SDK1: variants seen among roughly 807,000 people sequenced by gnomAD.
The protein encoded by SDK1 is sidekick cell adhesion molecule 1, also known as protein sidekick-1.
In SDK1, 157 loss-of-function variants were observed where a neutral mutation model predicts 245.5. The ratio of observed to expected loss-of-function variants is 0.64; its 90% CI spans 0.56 to 0.73. The LOEUF is 0.73. SDK1 is among the 30% of genes least tolerant of loss of function. The probability of loss-of-function intolerance (pLI) is 0.00; values close to 1 mark genes in which losing one functional copy is unlikely to be tolerated. For synonymous variants in SDK1, 1,647 were observed against 1,278.5 expected (o/e 1.29, Z -6.15); for missense variants, 3,583 against 3,002.3 (o/e 1.19, Z -4.52).
At chr7:3,781,168 A>G (rs1257181695) in intron 4 of SDK1, among the ~76,000 whole-genome samples, 1 of 152,122 alleles carries the variant, frequency 6.6e-6, no homozygotes. Context: ...GACTTTGCTA[A>G]CCTCAGAGAA....
chr7:4,193,151 T>C (rs1256015823), intron 35 of SDK1, among the ~76,000 whole-genome samples: 4 of 132,934 alleles, frequency 3.0e-5, no homozygotes, highest in Non-Finnish European at 6.2e-5. Flanking sequence ...AATATATTTA[T>C]ATAATATATA....
chr7:3,727,661 T>G (rs2115037081), intron 4 of SDK1, among the ~76,000 whole-genome samples: 1 of 152,144 alleles, frequency 6.6e-6, no homozygotes, highest in East Asian at 1.9e-4. Flanking sequence ...CGGCTAAATT[T>G]TGTATTTTTA....
At chr7:4,163,254 G>A (rs527486500) in intron 32 of SDK1, among the ~76,000 whole-genome samples, 1 of 152,270 alleles carries the variant, frequency 6.6e-6, no homozygotes, top group African/African-American at 2.4e-5. Context: ...GGTCAGGAGG[G>A]CAGTCTGGTG....
chr7:3,333,726 A>G (rs147009797), intron 1 of SDK1, among the ~76,000 whole-genome samples: 1 of 152,350 alleles, frequency 6.6e-6, no homozygotes, highest in East Asian at 1.9e-4. Flanking sequence ...GGTATTGGTC[A>G]GGGTTCGATT....
chr7:4,084,823 A>G (rs1171692824), intron 22 of SDK1, among the ~76,000 whole-genome samples: 1 of 152,018 alleles, frequency 6.6e-6, no homozygotes, highest in Non-Finnish European at 1.5e-5. Context: ...GCTGGAGTGC[A>G]ATGGCACGAT....
chr7:3,490,230 G>A (rs148603619), intron 1 of SDK1, among the ~76,000 whole-genome samples: 203 of 152,264 alleles, frequency 1.3e-3, no homozygotes, highest in African/African-American at 4.7e-3. Context: ...GTGAATGATG[G>A]ATTATTAAGT....
At chr7:3,905,529 C>T (rs1398118616) in intron 5 of SDK1, among the ~76,000 whole-genome samples, 1 of 151,782 alleles carries the variant, frequency 6.6e-6, no homozygotes, top group Admixed American at 6.6e-5. Flanking sequence ...TTGTTTTTTC[C>T]TTATCTTTGC....
At chr7:3,636,632 C>G (rs972169283) in intron 2 of SDK1, among the ~76,000 whole-genome samples, 8 of 152,156 alleles carry the variant, frequency 5.3e-5, no homozygotes, top group African/African-American at 1.9e-4. Context: ...GTTTCCATCT[C>G]TTGGCTAATT....
chr7:3,658,871 G>C (rs1279994652), intron 4 of SDK1, among the ~76,000 whole-genome samples: 1 of 152,134 alleles, frequency 6.6e-6, no homozygotes, highest in Non-Finnish European at 1.5e-5. Flanking sequence ...GCCCACTTCA[G>C]CCTCTCAAAG....
chr7:4,247,913 G>C (rs1016167866), intron 44 of SDK1, among the ~76,000 whole-genome samples: 1 of 152,142 alleles, frequency 6.6e-6, no homozygotes, highest in African/African-American at 2.4e-5. Flanking sequence ...CCCCACACCA[G>C]AGGAAGGGGA....
intron 20 of SDK1, among the ~76,000 whole-genome samples, chr7:4,073,986 T>C (rs537498195): frequency 6.6e-6 from 1 of 152,072 alleles, no homozygotes; most frequent in Non-Finnish European, 1.5e-5. Flanking sequence ...GAGGTCACAG[T>C]CTTCCCGGAC....
intron 1 of SDK1, among the ~76,000 whole-genome samples, chr7:3,331,341 C>A (rs1485489949): frequency 1.3e-5 from 2 of 152,122 alleles, no homozygotes; most frequent in African/African-American, 4.8e-5. Context: ...GTGCATGATC[C>A]TAATAAGTGT....
At chr7:3,381,450 G>A (rs933891789) in intron 1 of SDK1, among the ~76,000 whole-genome samples, 1 of 152,044 alleles carries the variant, frequency 6.6e-6, no homozygotes, top group African/African-American at 2.4e-5. Context: ...GCGGGAGTGA[G>A]CCCCTCTCAA....
chr7:3,317,653 C>T (rs1779697300), intron 1 of SDK1, among the ~76,000 whole-genome samples: 1 of 152,174 alleles, frequency 6.6e-6, no homozygotes, highest in South Asian at 2.1e-4. Context: ...GACTCTTCTC[C>T]CATGTTCACA....
chr7:4,158,135 G>T (rs909509811), intron 30 of SDK1, among the ~76,000 whole-genome samples: 3 of 152,138 alleles, frequency 2.0e-5, no homozygotes, highest in Non-Finnish European at 4.4e-5. Flanking sequence ...CTTCCCCCTG[G>T]CCAGGACGCC....
rs1291928571 is a variant in SDK1 at position 4,114,168 on chromosome 7, C to G, written c.3717C>G (p.Ile1239Met). The change falls in exon 25 of 45, where the codon ATC (isoleucine) becomes ATG (methionine). Residue 1239 changes from isoleucine to methionine, a missense_variant. Ile to Met is a conservative substitution (Grantham distance 10, BLOSUM62 1). Coordinates refer to ENST00000404826, the MANE Select transcript of SDK1 (RefSeq NM_152744.4). ...VSDRLEREFTIEELEEWMEYE... is the reference protein window; with the variant it reads ...VSDRLEREFTMEELEEWMEYE... The stretch of plus-strand genomic sequence containing the variant: ...ACCGGCTGGAGAGAGAATTCACCAT[C>G]GAGGAGCTGGAGGAGTGGATGGAAT... 1.9e-6 allele frequency: 3 copies of G among 1,614,190 alleles called. No individual in the cohort carries two copies. The highest frequency in any genetic ancestry group is 8.5e-7 in the Non-Finnish European group (1 of 1,180,034).
intron 32 of SDK1, among the ~76,000 whole-genome samples, chr7:4,173,951 T>C (rs1028221293): frequency 2.0e-4 from 30 of 152,262 alleles, no homozygotes; most frequent in African/African-American, 7.2e-4. Context: ...GCCTGGGGGC[T>C]CATTTGAGGA....
In SDK1 at chr7:3,301,747, C is replaced by T. The variant is rs1331813902; in HGVS notation, c.161C>T (p.Ala54Val). ...CCGGAGCCCTCGCGACCCCGGGCGGCGCCCGAGACCTCCGGCGGGGACACG... is the reference window on the plus strand; with the variant it reads ...CCGGAGCCCTCGCGACCCCGGGCGGTGCCCGAGACCTCCGGCGGGGACACG... ...PGPEPSRPRA[A>V]PETSGGDTAG... The change falls in exon 1 of 45, where the codon GCG (alanine) becomes GTG (valine). Residue 54 changes from alanine (A) to valine (V), a missense_variant. Ala to Val is a moderately conservative substitution (Grantham distance 64). Coordinates refer to ENST00000404826, the MANE Select transcript of SDK1 (RefSeq NM_152744.4). 3.1e-6 allele frequency: 3 copies of T among 981,062 alleles called. No homozygotes were observed. The highest frequency in any genetic ancestry group is 4.6e-5 in the South Asian group (1 of 21,824). 60.8% of individuals were successfully genotyped at this position (981,062 alleles called of 1,614,324 possible). A position where few individuals can be genotyped will look rare whatever the true frequency, so the allele number is the denominator to read the frequency against.
At chr7:4,142,563 G>A (rs1779653005) in intron 28 of SDK1, among the ~76,000 whole-genome samples, 1 of 152,000 alleles carries the variant, frequency 6.6e-6, no homozygotes, top group Admixed American at 6.5e-5. Flanking sequence ...TCCTGACCTT[G>A]TGATCCGCCC....
Sources: gnomAD v4.1 joint callset for allele counts (sites outside exome capture counted in the v4.1 genomes callset) on GRCh38, gnomAD v4.1.1 for gene constraint, MANE v1.5 for transcripts, NCBI Gene and HGNC (gene_info 2026-07-23, HGNC 2026-07-21) for gene names.